ELAVL4: variants seen among roughly 807,000 people sequenced by gnomAD.
The protein encoded by ELAVL4 is ELAV-like protein 4.
A neutral mutation model predicts 35.6 loss-of-function variants in ELAVL4; 1 was observed. That is an observed-to-expected ratio of 0.03 (90% CI 0.01 to 0.13). ELAVL4 has a LOEUF of 0.13. Ranked by LOEUF, ELAVL4 falls within the 10% of genes least tolerant of loss-of-function variation. The pLI is 1.00. For missense variants in ELAVL4, 267 were observed against 464.9 expected, an observed-to-expected ratio of 0.57 and a Z score of 3.91; for synonymous variants, 156 against 171.0, an observed-to-expected ratio of 0.91 and a Z score of 0.69.
intron 2 of ELAVL4, chr1:50,174,586 T>C (rs984499116): frequency 6.6e-5 from 10 of 151,946 alleles, no homozygotes; most frequent in African/African-American, 2.4e-4. Context: ...GTTGTGCTAA[T>C]TGCAGTCAGG....
At position 50,066,054 on chromosome 1, in the gene ELAVL4, A is replaced by G. The variant is rs1201057227; in HGVS notation, c.18+17872A>G. ...AGCCCAGATACAGGAGTGGGGAAAGAGATTACATCTCTTTTAGGAAGATCT... is the reference window on the plus strand; with the variant it reads ...AGCCCAGATACAGGAGTGGGGAAAGGGATTACATCTCTTTTAGGAAGATCT... On this transcript the variant is annotated intron_variant, in intron 1 of 6. Transcript: ENST00000448907. 2.0e-5 allele frequency among the ~76,000 whole-genome samples: 3 copies of G among 152,328 alleles called. No homozygotes were observed. The East Asian group carries it at 5.8e-4, about 29-fold the overall frequency.
intron 1 of ELAVL4, among the ~76,000 whole-genome samples, chr1:50,056,219 C>T (rs1046169626): frequency 2.0e-5 from 3 of 152,106 alleles, no homozygotes; most frequent in African/African-American, 7.2e-5. Context: ...GTGCCTGGTG[C>T]ATGATGGTAA....
chr1:50,063,369 C>G (rs1664098984), intron 1 of ELAVL4, among the ~76,000 whole-genome samples: 1 of 151,826 alleles, frequency 6.6e-6, no homozygotes, highest in East Asian at 1.9e-4. Context: ...ACCATATTTC[C>G]TGGTCATTGT....
chr1:50,188,394 A>T (rs544352643), intron 3 of ELAVL4, among the ~76,000 whole-genome samples: 1 of 152,348 alleles, frequency 6.6e-6, no homozygotes, highest in East Asian at 1.9e-4. Flanking sequence ...TCATGAAAAA[A>T]ATCCAGTCAA....
intron 1 of ELAVL4, among the ~76,000 whole-genome samples, chr1:50,082,031 A>G (rs1219499480): frequency 6.6e-6 from 1 of 152,210 alleles, no homozygotes; most frequent in Non-Finnish European, 1.5e-5. Flanking sequence ...ATGACTGCAT[A>G]GTATTCCATG....
At chr1:50,175,302 T>A (rs959346297) in intron 2 of ELAVL4, 6 of 152,130 alleles carry the variant, frequency 3.9e-5, no homozygotes, top group African/African-American at 1.4e-4. Flanking sequence ...GAAATTGGTC[T>A]CTGTATTTTT....
intron 1 of ELAVL4, among the ~76,000 whole-genome samples, chr1:50,094,715 G>A (rs1455425455): frequency 1.3e-5 from 2 of 150,882 alleles, no homozygotes. Context: ...AGACCAGCCC[G>A]GCCAACTTGG....
At chr1:50,101,501 T>G (rs1216052334), upstream of ELAVL4, among the ~76,000 whole-genome samples, 1 of 152,212 alleles carries the variant, frequency 6.6e-6, no homozygotes, top group African/African-American at 2.4e-5. Context: ...AGAATATTTT[T>G]TAAATTTTTT....
chr1:50,149,270 C>A (rs1216297300), intron 2 of ELAVL4, among the ~76,000 whole-genome samples: 2 of 151,350 alleles, frequency 1.3e-5, no homozygotes, highest in African/African-American at 2.4e-5. Context: ...TGGTGGTGGG[C>A]GCCTGTAATC....
chr1:50,156,785 G>T (rs904334819), intron 2 of ELAVL4, among the ~76,000 whole-genome samples: 1 of 152,136 alleles, frequency 6.6e-6, no homozygotes, highest in African/African-American at 2.4e-5. Context: ...CTGCCAGCTG[G>T]GACGAGAGAC....
intron 1 of ELAVL4, among the ~76,000 whole-genome samples, chr1:50,077,455 G>A (rs575919559): frequency 6.6e-6 from 1 of 152,148 alleles, no homozygotes; most frequent in Non-Finnish European, 1.5e-5. Flanking sequence ...GTTCTATTCA[G>A]GCCTTCAACT....
intron 1 of ELAVL4, among the ~76,000 whole-genome samples, chr1:50,049,526 T>C (rs1663242801): frequency 6.6e-6 from 1 of 152,228 alleles, no homozygotes; most frequent in South Asian, 2.1e-4. Context: ...GCCTCCTTGC[T>C]TCTTCAATAA....
At chr1:50,167,721 G>T (rs979106281) in intron 2 of ELAVL4, among the ~76,000 whole-genome samples, 1 of 152,154 alleles carries the variant, frequency 6.6e-6, no homozygotes, top group Admixed American at 6.5e-5. Flanking sequence ...GGGGAAAGAG[G>T]CTGAGTGGTG....
intron 1 of ELAVL4, among the ~76,000 whole-genome samples, chr1:50,137,300 TG>T (rs1672045026): frequency 6.6e-6 from 1 of 152,004 alleles, no homozygotes. Flanking sequence ...TCCTCCACTG[TG>T]AGGAGGGGGA....
At chr1:50,073,785 T>C (rs1322118903) in intron 1 of ELAVL4, among the ~76,000 whole-genome samples, 1 of 149,310 alleles carries the variant, frequency 6.7e-6, no homozygotes, top group East Asian at 2.0e-4. Context: ...ATATAATGAT[T>C]GCCATAACTA....
chr1:50,146,719 C>T (rs905817113), intron 2 of ELAVL4, among the ~76,000 whole-genome samples: 3 of 152,052 alleles, frequency 2.0e-5, no homozygotes, highest in Non-Finnish European at 2.9e-5. Context: ...GATGATAATT[C>T]AAACCAAATT....
chr1:50,119,036 AAAAGAAAG>A (rs531184149), intron 1 of ELAVL4, among the ~76,000 whole-genome samples: 15,248 of 127,104 alleles, frequency 0.12, 923 homozygotes, highest in Non-Finnish European at 0.13. Context: ...GAAAGAAAGA[AAAAGAAAG>A]AAAGAAAGAA....
chr1:50,076,307 C>T (rs141247471), intron 1 of ELAVL4, among the ~76,000 whole-genome samples: 10 of 152,162 alleles, frequency 6.6e-5, no homozygotes, highest in African/African-American at 2.2e-4. Flanking sequence ...CAACCTTCGT[C>T]AAAAATGCTA....
At chr1:50,194,957 A>G (rs756727699) in intron 4 of ELAVL4, among the ~76,000 whole-genome samples, 12 of 152,192 alleles carry the variant, frequency 7.9e-5, no homozygotes, top group African/African-American at 1.7e-4. Context: ...GTGAGCCTCA[A>G]TAGGGAATTT....
Sources: allele counts gnomAD v4.1 joint callset (sites outside exome capture counted in the v4.1 genomes callset), GRCh38; gene constraint gnomAD v4.1.1; transcripts MANE v1.5; gene names NCBI Gene and HGNC (gene_info 2026-07-23, HGNC 2026-07-21).